ITGAM: variants seen among roughly 807,000 people sequenced by gnomAD.
The protein encoded by ITGAM is integrin alpha-M.
Under a neutral mutation model 137.5 loss-of-function variants are expected in ITGAM, and 79 were observed. The observed-to-expected ratio is 0.57, with a 90% CI of 0.48 to 0.69. ITGAM has a LOEUF of 0.69. Among genes scored for constraint, ITGAM ranks in the 30% least tolerant of loss-of-function variants. The pLI is 0.00. For synonymous variants in ITGAM, 583 were observed against 592.3 expected (o/e 0.98, Z 0.23); for missense variants, 1,343 against 1,483.5 (o/e 0.91, Z 1.56).
intron 7 of ITGAM, 71 bp from the exon 8 acceptor site, chr16:31,273,294 T>A: frequency 7.4e-7 from 1 of 1,357,806 alleles, no homozygotes; most frequent in Non-Finnish European, 1.0e-6. Context: ...AGTGTCTATT[T>A]CTTAAAAAAA....
At chr16:31,263,922 G>T (rs2079734274) in intron 2 of ITGAM, among the ~76,000 whole-genome samples, 1 of 151,358 alleles carries the variant, frequency 6.6e-6, no homozygotes, top group South Asian at 2.1e-4. Context: ...TGCAACCTCT[G>T]CCTCCTGGGT....
At position 31,324,512 on chromosome 16, in the gene ITGAM, G is replaced by A; in HGVS notation, c.2116G>A (p.Gly706Arg). 6.2e-7 allele frequency: 1 copy of A among 1,605,704 alleles called. No homozygotes were observed. The highest frequency in any genetic ancestry group is 8.5e-7 in the Non-Finnish European group (1 of 1,176,282). Reference sequence around the variant, plus strand: ...CACACGCAGACAGACACAGGTCTTGGGGCTGACCCAGACTTGTGAGACCCT... The same window carrying A: ...CACACGCAGACAGACACAGGTCTTGAGGCTGACCCAGACTTGTGAGACCCT... ...NSTRRQTQVLGLTQTCETLKL... is the reference protein window; with the variant it reads ...NSTRRQTQVLRLTQTCETLKL... Residue 706 changes from glycine to arginine, a missense_variant, in exon 17 of 30, where the codon GGG becomes AGG. Coordinates refer to ENST00000544665, the MANE Select transcript of ITGAM (RefSeq NM_000632.4). This position sits in a 1 kb window ranked among gnomAD's most constrained non-coding sequence, Gnocchi z 4.5.
chr16:31,276,286 C>G (rs2079905327), intron 9 of ITGAM, among the ~76,000 whole-genome samples: 1 of 152,074 alleles, frequency 6.6e-6, no homozygotes, highest in African/African-American at 2.4e-5. Flanking sequence ...CACCAGAGCA[C>G]TTGGGTTTTC....
rs2144509027 is a variant in ITGAM at position 31,330,294 on chromosome 16, C to G, written c.3061-14C>G. On this transcript the variant is annotated splice_polypyrimidine_tract_variant and intron_variant, in intron 26 of 29. Coordinates refer to ENST00000544665, the MANE Select transcript of ITGAM (RefSeq NM_000632.4). ...GGCTTCCTTACCCGTCCCCTCCCCTCCTGCGTTCCCCAGAACTGCTCCATC... is the reference window on the plus strand; with the variant it reads ...GGCTTCCTTACCCGTCCCCTCCCCTGCTGCGTTCCCCAGAACTGCTCCATC... The G allele has an allele frequency of 6.2e-7, 1 of 1,608,710 alleles. No individual in the cohort carries two copies. The highest frequency in any genetic ancestry group is 1.7e-4 in the Middle Eastern group (1 of 6,048).
intron 14 of ITGAM, among the ~76,000 whole-genome samples, chr16:31,310,749 C>T (rs1386356759): frequency 6.6e-6 from 1 of 152,152 alleles, no homozygotes; most frequent in African/African-American, 2.4e-5. Context: ...GAGCTGCGTT[C>T]CTTTGTAGGA....
In ITGAM at chr16:31,329,511, C is replaced by T. The variant is rs188098435; in HGVS notation, c.2868+208C>T. 2.7e-3 allele frequency among the ~76,000 whole-genome samples: 415 copies of T among 152,240 alleles called. 2 individuals carry two copies. Among genetic ancestry groups the T allele is most frequent in the African/African-American group, 9.4e-3 (390 of 41,534 alleles). ...TAGTTATCTTGTATTACCTTCGTAG[C>T]GACTCTGTGGGGCACTGTCATGATC... On this transcript the variant is annotated intron_variant, in intron 24 of 29. Transcript: ENST00000544665.
intron 14 of ITGAM, among the ~76,000 whole-genome samples, chr16:31,306,113 G>A (rs749943279): frequency 3.3e-5 from 5 of 151,936 alleles, no homozygotes; most frequent in South Asian, 2.1e-4. Context: ...ATTTGATCTC[G>A]CTGCTTGTTA....
chr16:31,281,372 TATTA>T (rs1435789319), intron 12 of ITGAM, among the ~76,000 whole-genome samples: 1 of 152,198 alleles, frequency 6.6e-6, no homozygotes, highest in African/African-American at 2.4e-5. Context: ...GTTGGTAGGC[TATTA>T]ATTATTGCCT....
intron 8 of ITGAM, among the ~76,000 whole-genome samples, chr16:31,274,327 G>A (rs2079882614): frequency 6.6e-6 from 1 of 152,214 alleles, no homozygotes. Context: ...AAAAGAAAGA[G>A]GAGAAAGGAT....
intron 26 of ITGAM, 68 bp downstream of exon 26, chr16:31,330,232 G>A: frequency 1.3e-6 from 2 of 1,589,822 alleles, no homozygotes; most frequent in Non-Finnish European, 1.7e-6. Context: ...AACCTGTATG[G>A]TCTCTGAGCA....
At position 31,331,861 on chromosome 16, in the gene ITGAM, GTGTGTGCAAGTGTC is replaced by G. The variant is rs1261651088; in HGVS notation, c.*168_*181del. 1.9e-4 allele frequency: 96 copies of G among 503,430 alleles called. No individual in the cohort carries two copies. Among genetic ancestry groups the G allele is most frequent in the African/African-American group, 1.7e-3 (49 of 28,564 alleles). 31.2% of individuals were successfully genotyped at this position (503,430 alleles called of 1,614,324 possible). On this transcript the variant is annotated 3_prime_UTR_variant, in exon 30 of 30. Coordinates refer to ENST00000544665, the MANE Select transcript of ITGAM (RefSeq NM_000632.4). Reference sequence around the variant, plus strand: ...TGTGTGTGTGCAAGTGTGTATGTGCGTGTGTGCAAGTGTCTGTGTGCAAGTGTGTGCACATGTGT... The same window carrying G: ...TGTGTGTGTGCAAGTGTGTATGTGCGTGTGTGCAAGTGTGTGCACATGTGT...
intron 9 of ITGAM, among the ~76,000 whole-genome samples, chr16:31,276,424 C>T (rs1330295129): frequency 3.9e-5 from 6 of 152,034 alleles, no homozygotes; most frequent in Admixed American, 3.9e-4. Context: ...CTCTGCCTCC[C>T]AGGTTCAAGT....
At position 31,326,907 on chromosome 16, in the gene ITGAM, A is replaced by G. The variant is rs535254188; in HGVS notation, c.2680A>G (p.Lys894Glu). 1.4e-5 allele frequency: 22 copies of G among 1,613,634 alleles called. No homozygotes were observed. The African/African-American group carries it at 2.7e-4, about 20-fold the overall frequency. The change falls in exon 22 of 30, where the codon AAA becomes GAA. Residue 894 changes from lysine (K) to glutamate (E), a missense_variant. By Grantham distance (56) the Lys-to-Glu change is moderately conservative. Transcript: ENST00000544665. ...DVDSKASLGN[K>E]LLLKANVTSE... is the part of the protein sequence containing the mutation. ...AGACTCTAAGGCTTCCCTTGGAAAC[A>G]AACTGCTCCTCAAGGCCAATGTGAC...
At chr16:31,310,178 G>A (rs1326256754) in intron 14 of ITGAM, among the ~76,000 whole-genome samples, 2 of 152,010 alleles carry the variant, frequency 1.3e-5, no homozygotes, top group Non-Finnish European at 1.5e-5. Flanking sequence ...GTGTTTTGGA[G>A]TTGCTCTTCT....
At chr16:31,330,186 A>G (rs2080561625) in intron 26 of ITGAM, 22 bp downstream of exon 26, 1 of 1,609,322 alleles carries the variant, frequency 6.2e-7, no homozygotes, top group Non-Finnish European at 8.5e-7. Context: ...AGTCAGCCCC[A>G]GGGCCACACA....
rs557843692 is a variant in ITGAM at position 31,297,424 on chromosome 16, C to T, written c.1357-90C>T. 3.3e-6 allele frequency: 5 copies of T among 1,534,482 alleles called. No individual in the cohort carries two copies. In the East Asian group the frequency reaches 9.0e-5, roughly 28 times the overall value. On this transcript the variant is annotated intron_variant, in intron 12 of 29. Coordinates refer to ENST00000544665, the MANE Select transcript of ITGAM (RefSeq NM_000632.4). ...CACATCTGCTCCAGAGGGATTCCCC[C>T]AGCAGGCATAACTTTTCTTCAGAGA...
At position 31,331,706 on chromosome 16, in the gene ITGAM, A is replaced by T; in HGVS notation, c.3458A>T (p.Ter1153LeuextTer21). The change falls in exon 30 of 30, where the codon TAG becomes TTG. Residue 1153 changes from the stop codon to leucine, a stop_lost. Coordinates refer to ENST00000544665, the MANE Select transcript of ITGAM (RefSeq NM_000632.4). ...EGGPPGAEPQ[*>L] is the part of the protein sequence containing the mutation. The stretch of plus-strand genomic sequence containing the variant: ...GGTCCCCCGGGGGCCGAACCCCAGT[A>T]GCGGCTCCTTCCCGACAGAGCTGCC... 6.2e-7 allele frequency: 1 copy of T among 1,600,464 alleles called. No homozygotes were observed. The highest frequency in any genetic ancestry group is 1.1e-5 in the South Asian group (1 of 88,728).
chr16:31,331,160 C>G lies in ITGAM; in HGVS notation c.3277-5C>G. 1 of 1,569,670 alleles carries G rather than the reference C, an allele frequency of 6.4e-7. No homozygotes were observed. Among genetic ancestry groups the G allele is most frequent in the Non-Finnish European group, 8.8e-7 (1 of 1,140,984 alleles). ...CTCCCCTGACGCCCCTCCTTCCTCCCCCAGACGGAGACCAAAGTGGAGCCG... is the reference window on the plus strand; with the variant it reads ...CTCCCCTGACGCCCCTCCTTCCTCCGCCAGACGGAGACCAAAGTGGAGCCG... On this transcript the variant is annotated splice_region_variant and splice_polypyrimidine_tract_variant and intron_variant, in intron 28 of 29. Coordinates refer to ENST00000544665, the MANE Select transcript of ITGAM (RefSeq NM_000632.4).
chr16:31,267,388 G>A (rs918646866), intron 5 of ITGAM, among the ~76,000 whole-genome samples: 1 of 151,742 alleles, frequency 6.6e-6, no homozygotes, highest in Non-Finnish European at 1.5e-5. Context: ...AAAGCTTCAG[G>A]CATGGACTCC....
Sources: allele counts gnomAD v4.1 joint callset (sites outside exome capture counted in the v4.1 genomes callset), GRCh38; gene constraint gnomAD v4.1.1; non-coding constraint Gnocchi (gnomAD v3.1); transcripts MANE v1.5; gene names NCBI Gene and HGNC (gene_info 2026-07-23, HGNC 2026-07-21).